The following ROBO2 variants were observed in gnomAD, a reference collection of about 807,000 sequenced individuals.
ROBO2 encodes the protein roundabout homolog 2.
Under a neutral mutation model 160.8 loss-of-function variants are expected in ROBO2, and 53 were observed. The observed-to-expected ratio is 0.33, with a 90% CI of 0.26 to 0.41. ROBO2 has a LOEUF of 0.41. Ranked by LOEUF, ROBO2 falls within the 10% of genes least tolerant of loss-of-function variation. The pLI, the probability that ROBO2 is intolerant of heterozygous loss-of-function variation, is 1.00. For missense variants in ROBO2, 1,577 were observed against 1,722.4 expected (o/e 0.92, Z 1.49); for synonymous variants, 664 against 611.7 (o/e 1.09, Z -1.26).
chr3:77,565,022 G>A (rs2093437773), exon 12 of ROBO2: 2 of 1,613,576 alleles, frequency 1.2e-6, no homozygotes, highest in Non-Finnish European at 1.7e-6. Flanking sequence ...ACTGTAAGAG[G>A]ACTGCGGCCC....
At chr3:76,582,913 T>C (rs1203679377) in intron 2 of ROBO2, among the ~76,000 whole-genome samples, 1 of 152,062 alleles carries the variant, frequency 6.6e-6, no homozygotes, top group African/African-American at 2.4e-5. Flanking sequence ...GCTCTATTTT[T>C]ATTTACTTCT....
At chr3:77,186,620 A>G (rs2081309286) in intron 2 of ROBO2, among the ~76,000 whole-genome samples, 1 of 151,966 alleles carries the variant, frequency 6.6e-6, no homozygotes, top group South Asian at 2.1e-4. Flanking sequence ...CCATATTGAG[A>G]GAATTGCTTT....
chr3:76,570,962 A>C (rs549031248), intron 2 of ROBO2, among the ~76,000 whole-genome samples: 1 of 152,318 alleles, frequency 6.6e-6, no homozygotes, highest in Admixed American at 6.5e-5. Flanking sequence ...TATCATACAG[A>C]ATACAAGAAA....
chr3:77,363,577 G>A (rs60699603), intron 2 of ROBO2, among the ~76,000 whole-genome samples: 15,698 of 152,108 alleles, frequency 0.1, 1,597 homozygotes, highest in East Asian at 0.24. Context: ...GCTAAGTTTA[G>A]CGTAGAATGG....
intron 2 of ROBO2, among the ~76,000 whole-genome samples, chr3:77,433,486 G>GTACATATATATATATATATATA (rs1325507347): frequency 0.014 from 1,383 of 99,282 alleles, 149 homozygotes; most frequent in Non-Finnish European, 0.022. Flanking sequence ...CTGGCAACTT[G>GTACATATATATATATATATATA]TATATATATA....
intron 2 of ROBO2, among the ~76,000 whole-genome samples, chr3:77,420,316 T>C (rs1218851113): frequency 1.3e-5 from 2 of 152,124 alleles, no homozygotes; most frequent in Non-Finnish European, 2.9e-5. Context: ...TTGTAAATTC[T>C]TTTCTAAAAA....
intron 2 of ROBO2, among the ~76,000 whole-genome samples, chr3:77,224,417 T>G (rs1310646868): frequency 1.3e-5 from 2 of 152,006 alleles, no homozygotes; most frequent in African/African-American, 4.8e-5. Context: ...GCCAGTGATA[T>G]TCTTTGCTTA....
At chr3:76,255,219 A>G (rs1559688548) in intron 2 of ROBO2, among the ~76,000 whole-genome samples, 1 of 152,150 alleles carries the variant, frequency 6.6e-6, no homozygotes, top group Non-Finnish European at 1.5e-5. Flanking sequence ...CGTTCATCAG[A>G]AAAAGTTAGT....
intron 2 of ROBO2, among the ~76,000 whole-genome samples, chr3:77,285,509 C>T (rs1267837792): frequency 6.6e-6 from 1 of 152,140 alleles, no homozygotes; most frequent in Non-Finnish European, 1.5e-5. Flanking sequence ...CTCCTTTAGC[C>T]AGCCTTGTCT....
intron 2 of ROBO2, among the ~76,000 whole-genome samples, chr3:76,670,099 T>C (rs953136139): frequency 6.6e-6 from 1 of 152,166 alleles, no homozygotes; most frequent in African/African-American, 2.4e-5. Context: ...ATTTGATAAC[T>C]CTCATTTGTT....
chr3:77,294,631 CGGGT>C (rs2061811104), intron 2 of ROBO2, among the ~76,000 whole-genome samples: 1 of 147,520 alleles, frequency 6.8e-6, no homozygotes, highest in African/African-American at 2.6e-5. Flanking sequence ...GACGGTTAAA[CGGGT>C]AAGCTGAGGC....
chr3:77,266,867 CT>C, intron 2 of ROBO2, among the ~76,000 whole-genome samples: 1 of 152,166 alleles, frequency 6.6e-6, no homozygotes, highest in Non-Finnish European at 1.5e-5. Context: ...TTTACTCTCT[CT>C]TTTTTTCCCA....
intron 2 of ROBO2, among the ~76,000 whole-genome samples, chr3:76,348,676 T>C (rs1304798496): frequency 6.6e-6 from 1 of 152,030 alleles, no homozygotes; most frequent in Non-Finnish European, 1.5e-5. Flanking sequence ...TACAACCAAT[T>C]ATGTGCTATA....
At chr3:76,069,177 C>G (rs1167662624) in intron 2 of ROBO2, among the ~76,000 whole-genome samples, 1 of 152,158 alleles carries the variant, frequency 6.6e-6, no homozygotes, top group African/African-American at 2.4e-5. Flanking sequence ...GTTGATATTA[C>G]TTCTTGAAAT....
chr3:76,920,465 A>G (rs1032427984), intron 2 of ROBO2, among the ~76,000 whole-genome samples: 1 of 152,158 alleles, frequency 6.6e-6, no homozygotes, highest in East Asian at 1.9e-4. Context: ...ATAAAAGTTC[A>G]CCTTTTCCTA....
At chr3:76,288,885 C>A (rs1423392075) in intron 2 of ROBO2, among the ~76,000 whole-genome samples, 1 of 152,050 alleles carries the variant, frequency 6.6e-6, no homozygotes, top group Non-Finnish European at 1.5e-5. Flanking sequence ...TTTTTTTAAT[C>A]CAGTCCACTC....
chr3:77,035,337 A>T (rs1427011516), upstream of ROBO2, among the ~76,000 whole-genome samples: 1 of 151,878 alleles, frequency 6.6e-6, no homozygotes, highest in Non-Finnish European at 1.5e-5. Flanking sequence ...AATTAAAGAA[A>T]TTTGGCCTCA....
chr3:77,337,553 A>G (rs2066614405), intron 2 of ROBO2, among the ~76,000 whole-genome samples: 1 of 152,198 alleles, frequency 6.6e-6, no homozygotes, highest in African/African-American at 2.4e-5. Flanking sequence ...TACTATAACA[A>G]CAAAACATTT....
At chr3:77,201,083 T>C (rs898283974) in intron 2 of ROBO2, among the ~76,000 whole-genome samples, 4 of 152,264 alleles carry the variant, frequency 2.6e-5, no homozygotes, top group Non-Finnish European at 4.4e-5. Context: ...AGTGAAGCTA[T>C]ATGACTTCAT....
Sources: gnomAD v4.1 joint callset for allele counts (sites outside exome capture counted in the v4.1 genomes callset) on GRCh38, gnomAD v4.1.1 for gene constraint, MANE v1.5 for transcripts, NCBI Gene and HGNC (gene_info 2026-07-23, HGNC 2026-07-21) for gene names.